The following MAGI1 variants were observed in gnomAD, a reference collection of about 807,000 sequenced individuals.
The protein encoded by MAGI1 is membrane associated guanylate kinase, WW and PDZ domain containing 1.
MAGI1 carries 58 observed loss-of-function variants against 139.9 expected under a neutral mutation model. That is an observed-to-expected ratio of 0.41 (90% CI 0.34 to 0.52). The LOEUF (loss-of-function observed/expected upper bound fraction) is 0.52. MAGI1 is among the 20% of genes least tolerant of loss of function. MAGI1 has a pLI of 0.12. For missense variants in MAGI1, 1,874 were observed against 1,901.6 expected, an observed-to-expected ratio of 0.99 and a Z score of 0.27; for synonymous variants, 812 against 737.9, an observed-to-expected ratio of 1.10 and a Z score of -1.63.
chr3:65,738,194 T>C (rs1190625510), intron 1 of MAGI1, among the ~76,000 whole-genome samples: 1 of 152,216 alleles, frequency 6.6e-6, no homozygotes. Flanking sequence ...ATGACCGCCA[T>C]AAAGTGAATA....
chr3:65,913,614 C>T (rs1044048069), intron 1 of MAGI1, among the ~76,000 whole-genome samples: 94 of 152,264 alleles, frequency 6.2e-4, no homozygotes, highest in African/African-American at 2.2e-3. Context: ...GTTCCTTAAA[C>T]ACAGTACTGC....
chr3:65,380,783 T>A (rs926871007), intron 16 of MAGI1: 2 of 152,212 alleles, frequency 1.3e-5, no homozygotes, highest in Non-Finnish European at 2.9e-5. Flanking sequence ...TTAGTTTTCA[T>A]CTCATCTCAA....
chr3:65,874,700 G>A lies in MAGI1; in HGVS notation c.313+163296C>T, dbSNP rs551783207. On this transcript the variant is annotated intron_variant, in intron 1 of 22. Coordinates refer to ENST00000402939, the MANE Select transcript of MAGI1 (RefSeq NM_001033057.2). ...TGCAGCTGCTTTAGGAAGCAGTCTG[G>A]CAGTTACTAAAAACTTAAAGAGTTT... 3 of 152,282 alleles carry A rather than the reference G, an allele frequency of 2.0e-5. No homozygotes were observed. In the South Asian group the frequency reaches 6.2e-4, roughly 32 times the overall value. 9.4% of individuals were successfully genotyped at this position (152,282 alleles called of 1,614,324 possible). A position where few individuals can be genotyped will look rare whatever the true frequency, so the allele number is the denominator to read the frequency against.
intron 12 of MAGI1, among the ~76,000 whole-genome samples, chr3:65,421,067 T>C (rs965954827): frequency 6.6e-6 from 1 of 152,224 alleles, no homozygotes; most frequent in Non-Finnish European, 1.5e-5. Flanking sequence ...GGAATAATTT[T>C]TAAGCATTAT....
intron 1 of MAGI1, among the ~76,000 whole-genome samples, chr3:66,005,661 G>A (rs897975745): frequency 2.6e-5 from 4 of 152,060 alleles, no homozygotes; most frequent in Admixed American, 6.6e-5. Flanking sequence ...TGGAAGGGGG[G>A]AAATCAAAGG....
At chr3:65,758,727 T>C (rs1327018021) in intron 1 of MAGI1, among the ~76,000 whole-genome samples, 1 of 152,092 alleles carries the variant, frequency 6.6e-6, no homozygotes, top group Non-Finnish European at 1.5e-5. Context: ...ACAAGAAGTA[T>C]TCGGCCTCAA....
chr3:65,983,989 T>C (rs563121265), intron 1 of MAGI1, among the ~76,000 whole-genome samples: 14 of 152,254 alleles, frequency 9.2e-5, no homozygotes, highest in African/African-American at 3.4e-4. Context: ...AGTAATTGAG[T>C]GCCTTCTTAA....
rs140753353 is a variant in MAGI1, at chr3:65,607,391, G to T, written c.430+14581C>A. Among the ~76,000 whole-genome samples, 336 of 152,154 alleles carry T rather than the reference G, an allele frequency of 2.2e-3. 1 individual carries two copies. The highest frequency in any genetic ancestry group is 7.7e-3 in the African/African-American group (321 of 41,492). ...AAGGCAGGCAATGCTTCTGTTAACA[G>T]AAGTGGTATCTTCATCACCTTCAAC... On this transcript the variant is annotated intron_variant, in intron 2 of 22. Transcript: ENST00000402939.
chr3:65,779,781 A>G (rs2038780772), intron 1 of MAGI1, among the ~76,000 whole-genome samples: 1 of 152,236 alleles, frequency 6.6e-6, no homozygotes, highest in South Asian at 2.1e-4. Flanking sequence ...AAAAAGATCT[A>G]TCTTTGGAAA....
intron 10 of MAGI1, among the ~76,000 whole-genome samples, chr3:65,436,505 G>A (rs545557584): frequency 3.9e-5 from 6 of 152,206 alleles, no homozygotes; most frequent in African/African-American, 1.2e-4. Context: ...CTATTGAAAC[G>A]TTGTAAACAT....
intron 1 of MAGI1, among the ~76,000 whole-genome samples, chr3:65,890,084 G>T (rs866394673): frequency 6.6e-6 from 1 of 151,138 alleles, no homozygotes; most frequent in Non-Finnish European, 1.5e-5. Context: ...ATGATATGCC[G>T]GCCAGTCGCG....
intron 1 of MAGI1, among the ~76,000 whole-genome samples, chr3:65,860,910 A>C (rs2059535790): frequency 6.6e-6 from 1 of 152,196 alleles, no homozygotes; most frequent in Non-Finnish European, 1.5e-5. Flanking sequence ...TCGAATTCAA[A>C]TTCAAATTCA....
chr3:65,827,668 T>C (rs539295753), intron 1 of MAGI1, among the ~76,000 whole-genome samples: 7 of 152,248 alleles, frequency 4.6e-5, no homozygotes, highest in African/African-American at 1.7e-4. Flanking sequence ...CACCCTTACT[T>C]CAAGGTCTAC....
chr3:65,998,307 T>G (rs1298223954), intron 1 of MAGI1, among the ~76,000 whole-genome samples: 1 of 152,154 alleles, frequency 6.6e-6, no homozygotes, highest in Non-Finnish European at 1.5e-5. Flanking sequence ...AGTTTCCCAG[T>G]CAACTTGCAG....
intron 1 of MAGI1, among the ~76,000 whole-genome samples, chr3:65,807,423 G>A (rs565353962): frequency 1.5e-3 from 223 of 152,236 alleles, no homozygotes; most frequent in African/African-American, 5.0e-3. Flanking sequence ...CTCCACCCTC[G>A]TGACTTAATC....
At chr3:66,000,023 AGTGCAGTGGCGC>A (rs2107436483) in intron 1 of MAGI1, among the ~76,000 whole-genome samples, 1 of 126,444 alleles carries the variant, frequency 7.9e-6, no homozygotes, top group East Asian at 2.6e-4. Flanking sequence ...CCCAGGCTGG[AGTGCAGTGGCGC>A]GAACTAGGCT....
At chr3:65,632,857 G>A (rs2107169155) in intron 1 of MAGI1, among the ~76,000 whole-genome samples, 1 of 152,244 alleles carries the variant, frequency 6.6e-6, no homozygotes, top group Non-Finnish European at 1.5e-5. Flanking sequence ...AGTAATTGTT[G>A]GGGTAGAGTT....
intron 1 of MAGI1, among the ~76,000 whole-genome samples, chr3:65,880,369 T>C (rs1429216604): frequency 1.3e-5 from 2 of 152,088 alleles, no homozygotes; most frequent in Non-Finnish European, 2.9e-5. Flanking sequence ...GTAGCCAAAA[T>C]CAGTGACCCT....
chr3:65,871,207 G>A (rs1458831968), intron 1 of MAGI1, among the ~76,000 whole-genome samples: 2 of 151,966 alleles, frequency 1.3e-5, no homozygotes, highest in Non-Finnish European at 2.9e-5. Flanking sequence ...AAAGTGCTGG[G>A]ATTACAGACA....
Sources: gnomAD v4.1 joint callset for allele counts (sites outside exome capture counted in the v4.1 genomes callset) on GRCh38, gnomAD v4.1.1 for gene constraint, MANE v1.5 for transcripts, NCBI Gene and HGNC (gene_info 2026-07-23, HGNC 2026-07-21) for gene names.